ZFHX3: variants seen among roughly 807,000 people sequenced by gnomAD.
ZFHX3 encodes zinc finger homeobox protein 3.
Under a neutral mutation model 279.1 loss-of-function variants are expected in ZFHX3, and 42 were observed. That is an observed-to-expected ratio of 0.15 (90% CI 0.12 to 0.19). The LOEUF (loss-of-function observed/expected upper bound fraction) is 0.19, where lower values mean the gene tolerates loss of function less well. Ranked by LOEUF, ZFHX3 falls within the 10% of genes least tolerant of loss-of-function variation. The pLI, the probability that ZFHX3 is intolerant of heterozygous loss-of-function variation, is 1.00. For missense variants in ZFHX3, 4,981 were observed against 4,754.0 expected, an observed-to-expected ratio of 1.05 and a Z score of -1.40; for synonymous variants, 2,293 against 1,957.8, an observed-to-expected ratio of 1.17 and a Z score of -4.52.
intron 5 of ZFHX3, among the ~76,000 whole-genome samples, chr16:72,818,603 A>G (rs745977021): frequency 1.1e-4 from 17 of 152,178 alleles, no homozygotes; most frequent in Non-Finnish European, 2.4e-4. Context: ...GAAGAGGGGA[A>G]GGGGATTTGT....
At chr16:73,706,074 G>A (rs537633546) in intron 1 of ZFHX3, among the ~76,000 whole-genome samples, 1 of 152,320 alleles carries the variant, frequency 6.6e-6, no homozygotes, top group South Asian at 2.1e-4. Context: ...GGAAGCTGAG[G>A]TGGGAGGATC....
intron 1 of ZFHX3, among the ~76,000 whole-genome samples, chr16:73,719,761 G>T (rs1302434481): frequency 6.6e-6 from 1 of 151,052 alleles, no homozygotes; most frequent in African/African-American, 2.4e-5. Context: ...AGCCTCCTGA[G>T]TAGCTGAGAT....
intron 3 of ZFHX3, among the ~76,000 whole-genome samples, chr16:72,914,059 A>T (rs932536949): frequency 6.6e-6 from 1 of 152,250 alleles, no homozygotes; most frequent in Non-Finnish European, 1.5e-5. Context: ...ATGAAGGGAC[A>T]GAGGCGGGAT....
intron 5 of ZFHX3, among the ~76,000 whole-genome samples, chr16:73,230,785 T>G (rs913498742): frequency 1.3e-5 from 2 of 152,164 alleles, no homozygotes; most frequent in Admixed American, 1.3e-4. Context: ...CCTCTGCTAA[T>G]TGGATTGCTA....
intron 2 of ZFHX3, among the ~76,000 whole-genome samples, chr16:73,676,962 T>C (rs573338293): frequency 3.9e-5 from 6 of 152,074 alleles, no homozygotes; most frequent in African/African-American, 1.4e-4. Flanking sequence ...AGAATATCTC[T>C]AGAAGTAAAA....
At chr16:73,628,896 G>A (rs961855823) in intron 2 of ZFHX3, among the ~76,000 whole-genome samples, 9 of 152,110 alleles carry the variant, frequency 5.9e-5, no homozygotes, top group East Asian at 3.9e-4. Flanking sequence ...GGGGCACCAC[G>A]CAGGACCCAG....
At chr16:73,726,385 G>T (rs2053518958) in intron 1 of ZFHX3, among the ~76,000 whole-genome samples, 1 of 152,158 alleles carries the variant, frequency 6.6e-6, no homozygotes, top group Non-Finnish European at 1.5e-5. Flanking sequence ...GGACTAGAAG[G>T]AGGTTTTCAA....
Position 73,709,445 on chromosome 16 carries a change from G to A in ZFHX3, c.-1607-29205C>T, listed in dbSNP as rs114154194. On this transcript the variant is annotated intron_variant, in intron 1 of 17. Transcript: ENST00000641206. ...TATATAGACGACAGAACACTATCCA[G>A]CCTTAAAAAAGAAGGAAACCCTCTC... is the stretch of plus-strand genomic sequence containing the variant. Among the ~76,000 whole-genome samples, 222 of 152,106 alleles carry A rather than the reference G, an allele frequency of 1.5e-3. 1 individual carries two copies. Among genetic ancestry groups the A allele is most frequent in the African/African-American group, 5.0e-3 (209 of 41,504 alleles).
chr16:73,120,376 C>T (rs1886620390), intron 7 of ZFHX3, among the ~76,000 whole-genome samples: 1 of 151,578 alleles, frequency 6.6e-6, no homozygotes, highest in African/African-American at 2.4e-5. Flanking sequence ...AATGATCCTC[C>T]TGCTTCAGCC....
chr16:73,332,397 A>T (rs2015822397), intron 3 of ZFHX3, among the ~76,000 whole-genome samples: 1 of 152,170 alleles, frequency 6.6e-6, no homozygotes, highest in East Asian at 1.9e-4. Context: ...TCCTCCTGCA[A>T]GGATGTCAGG....
intron 8 of ZFHX3, among the ~76,000 whole-genome samples, chr16:73,077,114 C>T (rs1281633105): frequency 2.0e-5 from 3 of 152,202 alleles, no homozygotes; most frequent in Middle Eastern, 3.4e-3. Flanking sequence ...AGCTCAGTTG[C>T]CCTCTAGACG....
At chr16:73,400,389 A>C (rs1450843259) in intron 3 of ZFHX3, 1 of 152,108 alleles carries the variant, frequency 6.6e-6, no homozygotes, top group Non-Finnish European at 1.5e-5. Flanking sequence ...ATGTTTTCAC[A>C]TTTCCCACAA....
At chr16:73,069,048 G>A (rs1350371554) in intron 8 of ZFHX3, among the ~76,000 whole-genome samples, 12 of 152,212 alleles carry the variant, frequency 7.9e-5, no homozygotes, top group Non-Finnish European at 5.9e-5. Flanking sequence ...CGCCGTGCTC[G>A]GCTGGGTTGA....
At chr16:73,287,018 G>C (rs564758726) in intron 4 of ZFHX3, among the ~76,000 whole-genome samples, 2 of 149,342 alleles carry the variant, frequency 1.3e-5, no homozygotes, top group East Asian at 2.1e-4. Flanking sequence ...ATGTGGGTTT[G>C]TATGTGGCTG....
chr16:73,061,697 C>T (rs548665473), upstream of ZFHX3: 5 of 151,970 alleles, frequency 3.3e-5, no homozygotes, highest in African/African-American at 9.7e-5. Context: ...TCTGTCTTCA[C>T]GAATCTTCAT....
chr16:73,584,652 C>T (rs763851418), intron 2 of ZFHX3, among the ~76,000 whole-genome samples: 9 of 152,068 alleles, frequency 5.9e-5, no homozygotes, highest in South Asian at 2.1e-4. Context: ...AAGATGAAGA[C>T]GGGATAAGGT....
At chr16:73,718,442 G>A (rs1393370927) in intron 1 of ZFHX3, among the ~76,000 whole-genome samples, 1 of 151,714 alleles carries the variant, frequency 6.6e-6, no homozygotes, top group Non-Finnish European at 1.5e-5. Flanking sequence ...ACAACAACAA[G>A]CACACAAGTC....
At position 72,788,468 on chromosome 16, in the gene ZFHX3, C is replaced by G; in HGVS notation, c.9808G>C (p.Ala3270Pro). 2.5e-6 allele frequency: 4 copies of G among 1,614,208 alleles called. No homozygotes were observed. The highest frequency in any genetic ancestry group is 3.4e-6 in the Non-Finnish European group (4 of 1,180,034). Residue 3270 changes from alanine (A) to proline (P), a missense_variant, in exon 10 of 10, where the codon GCC (alanine) becomes CCC (proline). Transcript: ENST00000268489. The part of the protein sequence containing the change: ...EKGEAPTATA[A>P]TISAPLPTME... ...GTGGGCAGCGGGGCTGAGATCGTGG[C>G]TGCAGTTGCCGTGGGGGCCTCTCCT...
intron 1 of ZFHX3, among the ~76,000 whole-genome samples, chr16:73,022,199 G>A (rs1010609772): frequency 4.6e-5 from 7 of 152,014 alleles, no homozygotes; most frequent in Non-Finnish European, 1.0e-4. Flanking sequence ...GAGTATCACC[G>A]GCACCAACAA....
Sources: allele counts gnomAD v4.1 joint callset (sites outside exome capture counted in the v4.1 genomes callset), GRCh38; gene constraint gnomAD v4.1.1; transcripts MANE v1.5; gene names NCBI Gene and HGNC (gene_info 2026-07-23, HGNC 2026-07-21).